The following DSCAML1 variants were observed in gnomAD, a reference collection of about 807,000 sequenced individuals.
DSCAML1 encodes the protein cell adhesion molecule DSCAML1.
Under a neutral mutation model 200.5 loss-of-function variants are expected in DSCAML1, and 38 were observed. The observed-to-expected ratio is 0.19, with a 90% confidence interval of 0.15 to 0.25. The LOEUF is 0.25. Ranked by LOEUF, DSCAML1 falls within the 10% of genes least tolerant of loss-of-function variation. DSCAML1 has a pLI of 1.00. For missense variants in DSCAML1, 2,223 were observed against 2,858.8 expected (o/e 0.78, Z 5.07); for synonymous variants, 1,215 against 1,165.0 (o/e 1.04, Z -0.87).
chr11:117,456,282 A>G (rs2048366412), intron 19 of DSCAML1, among the ~76,000 whole-genome samples: 1 of 152,198 alleles, frequency 6.6e-6, no homozygotes, highest in Non-Finnish European at 1.5e-5. Context: ...GGAACCACTG[A>G]CTTAACCAAC....
chr11:117,758,129 C>T (rs1305660492), intron 3 of DSCAML1, among the ~76,000 whole-genome samples: 1 of 151,666 alleles, frequency 6.6e-6, no homozygotes, highest in Non-Finnish European at 1.5e-5. Context: ...GGTGAAACCC[C>T]GTCTCTACTC....
intron 3 of DSCAML1, among the ~76,000 whole-genome samples, chr11:117,757,012 A>C (rs2054705048): frequency 6.6e-6 from 1 of 152,112 alleles, no homozygotes; most frequent in South Asian, 2.1e-4. Flanking sequence ...TCAAGAAATG[A>C]AGGTGCAGAG....
chr11:117,573,590 G>A (rs75338140), intron 3 of DSCAML1, among the ~76,000 whole-genome samples: 3,853 of 152,296 alleles, frequency 0.025, 160 homozygotes, highest in African/African-American at 0.087. Flanking sequence ...GTGGGATCCT[G>A]CAGTGAAGAC....
intron 3 of DSCAML1, among the ~76,000 whole-genome samples, chr11:117,536,896 C>T (rs2050181834): frequency 6.6e-6 from 1 of 152,098 alleles, no homozygotes; most frequent in African/African-American, 2.4e-5. Context: ...TTTTTTAAAG[C>T]TAAGTATTTA....
chr11:117,591,708 T>C (rs1283333014), intron 3 of DSCAML1, among the ~76,000 whole-genome samples: 2 of 152,204 alleles, frequency 1.3e-5, no homozygotes, highest in African/African-American at 4.8e-5. Context: ...GGTGCCAGCA[T>C]CTACGTCCCT....
At chr11:117,442,441 G>C (rs1439018863) in intron 21 of DSCAML1, among the ~76,000 whole-genome samples, 1 of 150,952 alleles carries the variant, frequency 6.6e-6, no homozygotes, top group Non-Finnish European at 1.5e-5. Flanking sequence ...GTGTGGGTCT[G>C]TGTGTATAAG....
At chr11:117,737,941 G>T (rs965112583) in intron 3 of DSCAML1, among the ~76,000 whole-genome samples, 2 of 152,140 alleles carry the variant, frequency 1.3e-5, no homozygotes, top group African/African-American at 4.8e-5. Context: ...AGTCATGAAA[G>T]GTTTAAAGTC....
chr11:117,690,511 G>A (rs916206802), intron 3 of DSCAML1, among the ~76,000 whole-genome samples: 4 of 152,354 alleles, frequency 2.6e-5, no homozygotes, highest in African/African-American at 7.2e-5. Flanking sequence ...AGGCCTGTAC[G>A]CCTCTGAGAT....
At chr11:117,769,576 A>AT (rs1565274435) in intron 3 of DSCAML1, among the ~76,000 whole-genome samples, 1 of 124,410 alleles carries the variant, frequency 8.0e-6, no homozygotes, top group East Asian at 2.1e-4. Context: ...TATATTATAT[A>AT]TTTTTTATAT....
intron 3 of DSCAML1, among the ~76,000 whole-genome samples, chr11:117,535,166 C>T (rs750246812): frequency 1.3e-5 from 2 of 152,188 alleles, no homozygotes; most frequent in Non-Finnish European, 2.9e-5. Flanking sequence ...ATCACCTTGT[C>T]ATGGGGATGG....
chr11:117,694,234 C>A (rs2053547937), intron 3 of DSCAML1, among the ~76,000 whole-genome samples: 1 of 151,686 alleles, frequency 6.6e-6, no homozygotes, highest in East Asian at 1.9e-4. Flanking sequence ...GGAACCCTGT[C>A]TCTACTAAAA....
intron 3 of DSCAML1, among the ~76,000 whole-genome samples, chr11:117,582,642 A>T (rs1366531444): frequency 6.6e-6 from 1 of 152,196 alleles, no homozygotes; most frequent in East Asian, 1.9e-4. Context: ...GCCAAGTGCA[A>T]ACCAGAGAGT....
intron 3 of DSCAML1, among the ~76,000 whole-genome samples, chr11:117,732,143 C>T (rs1482837557): frequency 3.3e-5 from 5 of 152,360 alleles, no homozygotes; most frequent in Admixed American, 1.3e-4. Context: ...GACTGCAGAG[C>T]TTTGGGAAGA....
At chr11:117,652,985 G>A (rs2052663704) in intron 3 of DSCAML1, among the ~76,000 whole-genome samples, 1 of 152,204 alleles carries the variant, frequency 6.6e-6, no homozygotes, top group Admixed American at 6.5e-5. Flanking sequence ...GTTTTCTTAG[G>A]GTCTAAGATC....
chr11:117,440,920 CAAAAAAAAAAA>C (rs1170541792), intron 21 of DSCAML1, among the ~76,000 whole-genome samples: 4 of 41,112 alleles, frequency 9.7e-5, no homozygotes, highest in Admixed American at 3.4e-4. Context: ...GACTCTGTCT[CAAAAAAAAAAA>C]AAAAAAAAAA....
intron 11 of DSCAML1, 36 bp from the exon 12 acceptor site, chr11:117,482,198 C>G (rs1483022638): frequency 6.2e-7 from 1 of 1,611,090 alleles, no homozygotes; most frequent in Admixed American, 1.7e-5. Context: ...CAGTGAAGGT[C>G]GGGAGACCAG....
At chr11:117,452,862 C>A (rs1162686572) in intron 19 of DSCAML1, among the ~76,000 whole-genome samples, 1 of 152,196 alleles carries the variant, frequency 6.6e-6, no homozygotes, top group Non-Finnish European at 1.5e-5. Context: ...TCTTCTCAGA[C>A]AATGCAATGA....
At chr11:117,612,682 C>G (rs2051720411) in intron 3 of DSCAML1, among the ~76,000 whole-genome samples, 1 of 152,228 alleles carries the variant, frequency 6.6e-6, no homozygotes, top group South Asian at 2.1e-4. Flanking sequence ...CTTCCACACC[C>G]TTGCACCTGC....
At chr11:117,536,024 C>A (rs688968) in intron 3 of DSCAML1, among the ~76,000 whole-genome samples, 5 of 151,970 alleles carry the variant, frequency 3.3e-5, no homozygotes, top group Admixed American at 6.5e-5. Context: ...TCCCTCCCCC[C>A]CTTCTTGTGC....
Sources: gnomAD v4.1 joint callset for allele counts (sites outside exome capture counted in the v4.1 genomes callset) on GRCh38, gnomAD v4.1.1 for gene constraint, MANE v1.5 for transcripts, NCBI Gene and HGNC (gene_info 2026-07-23, HGNC 2026-07-21) for gene names.